Variants in FRMD8 observed in about 807,000 individuals in gnomAD.
FRMD8 encodes FERM domain containing 8.
A neutral mutation model predicts 54.2 loss-of-function variants in FRMD8; 37 were observed. The ratio of observed to expected loss-of-function variants is 0.68; its 90% CI spans 0.53 to 0.90. The LOEUF is 0.90. FRMD8 is among the 40% of genes least tolerant of loss of function. FRMD8 has a pLI of 0.00. For missense variants in FRMD8, 585 were observed against 653.7 expected, an observed-to-expected ratio of 0.89 and a Z score of 1.15; for synonymous variants, 246 against 286.9, an observed-to-expected ratio of 0.86 and a Z score of 1.44.
intron 7 of FRMD8, among the ~76,000 whole-genome samples, chr11:65,397,737 G>C (rs917662850): frequency 1.3e-5 from 2 of 152,084 alleles, no homozygotes; most frequent in Non-Finnish European, 2.9e-5. Context: ...TTTGAGACAG[G>C]GTCTTGCTCT....
intron 2 of FRMD8, among the ~76,000 whole-genome samples, chr11:65,388,145 C>T (rs907872534): frequency 6.7e-6 from 1 of 148,628 alleles, no homozygotes; most frequent in Non-Finnish European, 1.5e-5. Context: ...GCCTGGGCAA[C>T]GAGGGTGAAA....
chr11:65,393,524 A>G (rs2137880638), intron 3 of FRMD8, 49 bp from the exon 4 acceptor site: 1 of 1,410,468 alleles, frequency 7.1e-7, no homozygotes, highest in Non-Finnish European at 9.9e-7. Flanking sequence ...AAGGGCAGCC[A>G]CTGGACTGGC....
the FRMD8 span, chr11:65,379,374 A>C: frequency 6.2e-7 from 1 of 1,607,580 alleles, no homozygotes; most frequent in Non-Finnish European, 8.5e-7. Context: ...CTGCCCCCTC[A>C]CCTGCAGGAA....
In FRMD8 at chr11:65,410,593, A is replaced by G. The variant is rs181064738; in HGVS notation, c.1277-649A>G. 5.2e-4 allele frequency among the ~76,000 whole-genome samples: 79 copies of G among 152,258 alleles called. 1 individual carries two copies. In the East Asian group the frequency reaches 0.014, roughly 27 times the overall value. ...ATCACGAGGTCAGGAGATCGAGACC[A>G]TCTTGGCTAACACGGTGAAACCCCG... On this transcript the variant is annotated intron_variant, in intron 10 of 10. Transcript: ENST00000317568.
chr11:65,389,579 C>T (rs1236866267), intron 3 of FRMD8, 51 bp downstream of exon 3: 1 of 1,519,730 alleles, frequency 6.6e-7, no homozygotes, highest in Non-Finnish European at 8.8e-7. Flanking sequence ...AGGGCACTGA[C>T]CAGTACAGGA....
chr11:65,391,027 C>T lies in FRMD8; in HGVS notation c.253+1499C>T, dbSNP rs192372233. Among the ~76,000 whole-genome samples the T allele has an allele frequency of 2.5e-3, 379 of 152,358 alleles. 1 individual carries two copies. Among genetic ancestry groups the T allele is most frequent in the Admixed American group, 5.7e-3 (88 of 15,308 alleles). On this transcript the variant is annotated intron_variant, in intron 3 of 10. Transcript: ENST00000317568. ...GGGCCCCCCCAGAACCCTTTTCCCC[C>T]GGCCCCTGCACCCCTGATGGGGTGA...
chr11:65,407,663 G>C (rs1051802640), intron 10 of FRMD8, among the ~76,000 whole-genome samples: 2 of 151,832 alleles, frequency 1.3e-5, no homozygotes, highest in Admixed American at 1.3e-4. Flanking sequence ...GGCCAAGGTG[G>C]GCAGATCACG....
upstream of FRMD8, among the ~76,000 whole-genome samples, chr11:65,384,913 G>A (rs1021309510): frequency 2.2e-4 from 33 of 152,054 alleles, no homozygotes; most frequent in Non-Finnish European, 2.9e-5. Flanking sequence ...GTCTCACTAT[G>A]TTCCCCAGGC....
At position 65,412,545 on chromosome 11, in the gene FRMD8, A is replaced by C; in HGVS notation, c.*1185A>C. 1 of 152,162 alleles carries C rather than the reference A, an allele frequency of 6.6e-6. No individual in the cohort carries two copies. The highest frequency in any genetic ancestry group is 1.9e-4 in the East Asian group (1 of 5,186). 9.4% of individuals were successfully genotyped at this position (152,162 alleles called of 1,614,324 possible). A position where few individuals can be genotyped will look rare whatever the true frequency, so the allele number is the denominator to read the frequency against. On this transcript the variant is annotated 3_prime_UTR_variant, in exon 11 of 11. Coordinates refer to ENST00000317568, the MANE Select transcript of FRMD8 (RefSeq NM_031904.5). ...TCTGTCTTGTCCCAGATGAGCTGAGAGCCCCTGAGAGGAGGGCTTTCCCAG... is the reference window on the plus strand; with the variant it reads ...TCTGTCTTGTCCCAGATGAGCTGAGCGCCCCTGAGAGGAGGGCTTTCCCAG...
chr11:65,382,142 C>G (rs1313505884), upstream of FRMD8: 1 of 631,022 alleles, frequency 1.6e-6, no homozygotes, highest in African/African-American at 1.8e-5. This position sits in a 1 kb window ranked among gnomAD's most constrained non-coding sequence, Gnocchi z 4.4. Flanking sequence ...ACCCTGGCCA[C>G]CTGGAGGAGT....
chr11:65,377,101 C>T, the FRMD8 span: 29 of 1,603,920 alleles, frequency 1.8e-5, no homozygotes, highest in Non-Finnish European at 2.4e-5. Context: ...ACATGAGGGC[C>T]CCGGGTGGGG....
the FRMD8 span, chr11:65,376,429 T>C: frequency 2.5e-6 from 4 of 1,613,768 alleles, no homozygotes; most frequent in Non-Finnish European, 3.4e-6. Context: ...GCGGAGGAGA[T>C]ATTCGTAGCT....
chr11:65,389,298 G>C (rs1304199069), intron 2 of FRMD8, 63 bp from the exon 3 acceptor site: 11 of 1,559,832 alleles, frequency 7.1e-6, no homozygotes. Context: ...AGGGTGCCTG[G>C]TTGGCCTGGC....
chr11:65,390,964 G>T (rs956162211), intron 3 of FRMD8, among the ~76,000 whole-genome samples: 8 of 152,374 alleles, frequency 5.3e-5, no homozygotes, highest in Non-Finnish European at 1.0e-4. Flanking sequence ...TCCCAGGCTG[G>T]GTTCAGGGAG....
intron 10 of FRMD8, 53 bp downstream of exon 10, chr11:65,405,121 C>A: frequency 6.5e-7 from 1 of 1,545,934 alleles, no homozygotes; most frequent in Non-Finnish European, 8.9e-7. Context: ...CGCGTGCACA[C>A]ACCGGGGGGA....
At chr11:65,409,322 G>A (rs886172189) in intron 10 of FRMD8, among the ~76,000 whole-genome samples, 1 of 151,850 alleles carries the variant, frequency 6.6e-6, no homozygotes, top group African/African-American at 2.4e-5. Context: ...CCTGACCTCA[G>A]GTGATCTGTC....
At chr11:65,407,372 C>T (rs964788986) in intron 10 of FRMD8, among the ~76,000 whole-genome samples, 1 of 151,864 alleles carries the variant, frequency 6.6e-6, no homozygotes, top group African/African-American at 2.4e-5. Flanking sequence ...CTGCCTCAGC[C>T]TCCCTAGTAG....
Position 65,399,733 on chromosome 11 carries a change from C to T in FRMD8, c.804-3C>T. On this transcript the variant is annotated splice_polypyrimidine_tract_variant and splice_region_variant and intron_variant, in intron 7 of 10. Coordinates refer to ENST00000317568, the MANE Select transcript of FRMD8 (RefSeq NM_031904.5). ...CGGAGGCTGACCCCAGTCCCCTCCC[C>T]AGGTGTGCCTTCTTCCACGGTGAGG... 1 of 1,613,960 alleles carries T rather than the reference C, an allele frequency of 6.2e-7. No homozygotes were observed. Among genetic ancestry groups the T allele is most frequent in the Non-Finnish European group, 8.5e-7 (1 of 1,179,924 alleles).
chr11:65,368,502 C>T, the FRMD8 span, among the ~76,000 whole-genome samples: 8 of 152,214 alleles, frequency 5.3e-5, no homozygotes, highest in South Asian at 1.0e-3. Context: ...TGAGCCATTG[C>T]ACCCAGCCAA....
Sources: allele counts gnomAD v4.1 joint callset (sites outside exome capture counted in the v4.1 genomes callset), GRCh38; gene constraint gnomAD v4.1.1; non-coding constraint Gnocchi (gnomAD v3.1); transcripts MANE v1.5; gene names NCBI Gene and HGNC (gene_info 2026-07-23, HGNC 2026-07-21).